The following NFKBIZ variants were observed in gnomAD, a reference collection of about 807,000 sequenced individuals.
The protein encoded by NFKBIZ is NF-kappa-B inhibitor zeta.
Under a neutral mutation model 76.8 loss-of-function variants are expected in NFKBIZ, and 19 were observed. The observed-to-expected ratio is 0.25, with a 90% CI of 0.17 to 0.36. NFKBIZ has a LOEUF of 0.36. Ranked by LOEUF, NFKBIZ falls within the 10% of genes least tolerant of loss-of-function variation. The pLI is 1.00. For missense variants in NFKBIZ, 829 were observed against 910.9 expected (o/e 0.91, Z 1.16); for synonymous variants, 368 against 354.8 (o/e 1.04, Z -0.42).
intron 8 of NFKBIZ, 25 bp from the exon 9 acceptor site, chr3:101,855,708 C>T (rs777770159): frequency 1.7e-5 from 26 of 1,565,614 alleles, no homozygotes; most frequent in Non-Finnish European, 2.2e-5. Context: ...TGCTTGACCA[C>T]TGCTTGATTA....
At chr3:101,849,396 C>G (rs1464534469), upstream of NFKBIZ, 3 of 359,990 alleles carry the variant, frequency 8.3e-6, no homozygotes, top group African/African-American at 2.1e-5. Context: ...GGAAATCGGA[C>G]GCATCCGGAG....
At chr3:101,829,115 GTTTAT>G (rs920407555) in intron 1 of NFKBIZ, among the ~76,000 whole-genome samples, 3 of 152,112 alleles carry the variant, frequency 2.0e-5, no homozygotes, top group African/African-American at 7.2e-5. Flanking sequence ...AACCCTGCCT[GTTTAT>G]TTATTTGGCC....
rs1321246450 is a variant in NFKBIZ, at chr3:101,853,944, T to TA, written c.1337+83dup. ...GTGAGCATATAATTTTTCTAGGGTA[T>TA]AACAAGGTATACCTTAGTTAGTGGT... On this transcript the variant is annotated intron_variant, in intron 5 of 11. Transcript: ENST00000326172. 2.2e-6 allele frequency: 3 copies of TA among 1,360,572 alleles called. No homozygotes were observed. The African/African-American group carries it at 4.3e-5, about 20-fold the overall frequency. The allele number at this position is 1,360,572 out of a possible 1,614,324, so 84.3% of individuals were successfully genotyped here.
chr3:101,839,283 A>G (rs1942759757), intron 2 of NFKBIZ, among the ~76,000 whole-genome samples: 2 of 152,208 alleles, frequency 1.3e-5, no homozygotes, highest in Non-Finnish European at 1.5e-5. Context: ...CAGAATTAAA[A>G]TTCTTCTTGA....
chr3:101,852,388 C>T (rs1016083779), intron 2 of NFKBIZ, among the ~76,000 whole-genome samples, 164 bp downstream of exon 2: 2 of 152,174 alleles, frequency 1.3e-5, no homozygotes, highest in Admixed American at 6.5e-5. Flanking sequence ...TCTGTTGTAT[C>T]CTCCTTAGCC....
intron 2 of NFKBIZ, among the ~76,000 whole-genome samples, chr3:101,836,815 C>T (rs377575663): frequency 3.3e-5 from 5 of 152,346 alleles, no homozygotes; most frequent in African/African-American, 1.2e-4. Flanking sequence ...TTTCCCCAAA[C>T]CAAGATCACC....
In NFKBIZ at chr3:101,857,428, A is replaced by G; in HGVS notation, c.2072A>G (p.His691Arg). Residue 691 changes from histidine to arginine, a missense_variant, in exon 11 of 12, where the codon CAT (histidine) becomes CGT (arginine). Physicochemically the swap from His to Arg is conservative, Grantham distance 29. This residue lies in a region of NFKBIZ where 272 missense variants were observed against 384.2 expected (regional missense o/e 0.71). Transcript: ENST00000326172. ...AACTTGGAGAACGAACAGCCAGTGC[A>G]TTTGGTTCCCGATGGCCCTGTGGGA... ...TRNLENEQPV[H>R]LVPDGPVGEQ... 6.2e-7 allele frequency: 1 copy of G among 1,614,212 alleles called. No individual in the cohort carries two copies. The highest frequency in any genetic ancestry group is 8.5e-7 in the Non-Finnish European group (1 of 1,180,042).
In NFKBIZ at chr3:101,855,217, C is replaced by A; in HGVS notation, c.1590+9C>A. ...ACTCCCAGGTGCTTCAGGTAAGAGG[C>A]AGCAAACCAGGCTTCCATCATTGCA... On this transcript the variant is annotated intron_variant, in intron 7 of 11. Coordinates refer to ENST00000326172, the MANE Select transcript of NFKBIZ (RefSeq NM_031419.4). The A allele has an allele frequency of 6.2e-7, 1 of 1,603,264 alleles. No individual in the cohort carries two copies. The highest frequency in any genetic ancestry group is 8.5e-7 in the Non-Finnish European group (1 of 1,174,952).
intron 2 of NFKBIZ, among the ~76,000 whole-genome samples, chr3:101,833,908 C>T (rs1942679518): frequency 6.6e-6 from 1 of 152,206 alleles, no homozygotes; most frequent in Admixed American, 6.5e-5. Context: ...TGTTAAAGGA[C>T]ATGCTTTCTC....
At chr3:101,831,081 A>G (rs192462451) in intron 2 of NFKBIZ, among the ~76,000 whole-genome samples, 39 of 152,320 alleles carry the variant, frequency 2.6e-4, no homozygotes, top group African/African-American at 9.1e-4. Context: ...TTTAGCATTG[A>G]GTAGTTTATG....
At chr3:101,847,794 G>A (rs1942873868), upstream of NFKBIZ, among the ~76,000 whole-genome samples, 1 of 152,144 alleles carries the variant, frequency 6.6e-6, no homozygotes, top group South Asian at 2.1e-4. Context: ...ATTTACTTTG[G>A]ACCTACCCCC....
Position 101,849,627 on chromosome 3 carries a change from G to A in NFKBIZ, c.-2G>A. On this transcript the variant is annotated 5_prime_UTR_variant, in exon 1 of 12. Transcript: ENST00000326172. The stretch of plus-strand genomic sequence containing the variant: ...GGGTCCTCGAGCGCCCAGCCTGGGA[G>A]CATGATTGTGGACAAGCTGCTGGAC... 1 of 1,365,574 alleles carries A rather than the reference G, an allele frequency of 7.3e-7. No individual in the cohort carries two copies. The highest frequency in any genetic ancestry group is 9.4e-7 in the Non-Finnish European group (1 of 1,066,306). The allele number at this position is 1,365,574 out of a possible 1,614,324, so 84.6% of individuals were successfully genotyped here. A position where few individuals can be genotyped will look rare whatever the true frequency, so the allele number is the denominator to read the frequency against.
intron 11 of NFKBIZ, among the ~76,000 whole-genome samples, chr3:101,858,675 C>T (rs1219081678): frequency 1.3e-5 from 2 of 152,136 alleles, no homozygotes; most frequent in African/African-American, 4.8e-5. Flanking sequence ...CAGTTGTATC[C>T]CCTACCCCAA....
chr3:101,842,867 T>A (rs900818291), intron 2 of NFKBIZ, among the ~76,000 whole-genome samples: 20 of 151,726 alleles, frequency 1.3e-4, no homozygotes, highest in African/African-American at 4.6e-4. Flanking sequence ...AAATTAGAGA[T>A]GGAGAAGAGA....
chr3:101,857,516 A>G, intron 11 of NFKBIZ, 57 bp downstream of exon 11: 1 of 1,605,288 alleles, frequency 6.2e-7, no homozygotes, highest in Non-Finnish European at 8.5e-7. Flanking sequence ...TGAAACAGAA[A>G]GGGAGATGAG....
chr3:101,842,155 G>C (rs950200864), intron 2 of NFKBIZ, among the ~76,000 whole-genome samples: 9 of 152,138 alleles, frequency 5.9e-5, no homozygotes, highest in African/African-American at 2.2e-4. Context: ...GGTCAGGGGA[G>C]GAAGGGAGGG....
At chr3:101,837,149 A>G (rs997420781) in intron 2 of NFKBIZ, among the ~76,000 whole-genome samples, 8 of 152,138 alleles carry the variant, frequency 5.3e-5, no homozygotes, top group African/African-American at 9.7e-5. Context: ...ATAAAATACA[A>G]CCTTAGGTAG....
intron 2 of NFKBIZ, among the ~76,000 whole-genome samples, chr3:101,842,596 T>C (rs2107403173): frequency 6.6e-6 from 1 of 150,864 alleles, no homozygotes; most frequent in East Asian, 1.9e-4. Context: ...TCTTTTCTTT[T>C]TTTTTTTTTT....
intron 11 of NFKBIZ, among the ~76,000 whole-genome samples, 153 bp from the exon 12 acceptor site, chr3:101,859,165 A>C (rs1943099510): frequency 1.3e-5 from 2 of 152,224 alleles, no homozygotes; most frequent in Admixed American, 1.3e-4. Context: ...AGTCACCTCA[A>C]AATCTTGAGA....
Sources: gnomAD v4.1 joint callset for allele counts (sites outside exome capture counted in the v4.1 genomes callset) on GRCh38, gnomAD v4.1.1 for gene constraint, gnomAD v4.1.1 regional missense constraint, MANE v1.5 for transcripts, NCBI Gene and HGNC (gene_info 2026-07-23, HGNC 2026-07-21) for gene names.